Variants in SATL1 observed in about 807,000 individuals in gnomAD.
SATL1 encodes the protein spermidine/spermine N(1)-acetyltransferase-like protein 1.
A neutral mutation model predicts 51.8 loss-of-function variants in SATL1; 47 were observed. The ratio of observed to expected loss-of-function variants is 0.91; its 90% CI spans 0.72 to 1.16. SATL1 has a LOEUF of 1.16. SATL1 is among the 50% of genes most tolerant of loss of function. The pLI is 0.00. For synonymous variants in SATL1, 176 were observed against 182.4 expected, an observed-to-expected ratio of 0.97 and a Z score of 0.28; for missense variants, 520 against 526.4, an observed-to-expected ratio of 0.99 and a Z score of 0.12.
At chrX:85,186,638 C>T (rs1385773532) in intron 2 of SATL1, among the ~76,000 whole-genome samples, 2 of 111,824 alleles carry the variant, frequency 1.8e-5, no homozygotes, top group Non-Finnish European at 3.8e-5. Context: ...GGAAGTCCCA[C>T]AGTCACTGTG....
intron 2 of SATL1, among the ~76,000 whole-genome samples, chrX:85,194,927 A>G (rs1927522083): frequency 9.1e-6 from 1 of 109,857 alleles, no homozygotes; most frequent in African/African-American, 3.3e-5. Flanking sequence ...AATGTAGTTG[A>G]TGAGTTGCTG....
intron 1 of SATL1, among the ~76,000 whole-genome samples, chrX:85,235,777 A>AACT (rs1928469791): frequency 9.0e-6 from 1 of 111,461 alleles, no homozygotes; most frequent in African/African-American, 3.2e-5. Context: ...CATCTTAAAG[A>AACT]ACTACTAAAG....
At chrX:85,192,850 T>A (rs946464445) in intron 2 of SATL1, among the ~76,000 whole-genome samples, 20 of 111,890 alleles carry the variant, frequency 1.8e-4, no homozygotes, top group African/African-American at 6.5e-4. Flanking sequence ...TTTGACTACT[T>A]AGAGATGACA....
At chrX:85,144,133 A>G (rs1248491815) in intron 2 of SATL1, among the ~76,000 whole-genome samples, 1 of 111,593 alleles carries the variant, frequency 9.0e-6, no homozygotes, top group African/African-American at 3.3e-5. Context: ...TCTGGTGGGC[A>G]CTTTTGGAAT....
intron 2 of SATL1, among the ~76,000 whole-genome samples, chrX:85,212,267 A>G (rs1927943942): frequency 8.9e-6 from 1 of 112,131 alleles, no homozygotes; most frequent in South Asian, 3.7e-4. Context: ...GAATATCTAC[A>G]TAATTGTGAT....
intron 2 of SATL1, among the ~76,000 whole-genome samples, chrX:85,220,135 T>G (rs1928141065): frequency 9.1e-6 from 1 of 110,216 alleles, no homozygotes; most frequent in Non-Finnish European, 1.9e-5. Context: ...TCAAACTCAG[T>G]GCTGTCCTGT....
At chrX:85,187,435 A>G (rs1927337275) in intron 2 of SATL1, among the ~76,000 whole-genome samples, 1 of 111,489 alleles carries the variant, frequency 9.0e-6, no homozygotes, top group Admixed American at 9.6e-5. Flanking sequence ...TCAGTTTTTC[A>G]CCATTCTGAG....
intron 2 of SATL1, among the ~76,000 whole-genome samples, chrX:85,187,572 T>G (rs1927340348): frequency 8.9e-6 from 1 of 112,201 alleles, no homozygotes; most frequent in South Asian, 3.6e-4. Flanking sequence ...GCTATTGAGA[T>G]GATCGTATGG....
intron 7 of SATL1, chrX:85,092,924 C>T: frequency 6.1e-6 from 2 of 328,760 alleles, no homozygotes; most frequent in Non-Finnish European, 1.1e-5. Flanking sequence ...TTTCTAATCT[C>T]CCTCCTTCTT....
intron 1 of SATL1, among the ~76,000 whole-genome samples, chrX:85,230,231 C>T (rs1928353219): frequency 9.0e-6 from 1 of 111,116 alleles, no homozygotes; most frequent in African/African-American, 3.3e-5. Context: ...ACATATAGAC[C>T]AATGGAACAG....
At chrX:85,097,474 A>T (rs938360116) in intron 4 of SATL1, among the ~76,000 whole-genome samples, 14 of 111,996 alleles carry the variant, frequency 1.3e-4, no homozygotes, top group African/African-American at 4.2e-4. Flanking sequence ...TGTAGCTGGG[A>T]CTACAGGCAC....
At position 85,108,627 on chromosome X, in the gene SATL1, T is replaced by A; in HGVS notation, c.342A>T (p.Pro114=). Residue 114 remains proline (P), a synonymous_variant, in exon 3 of 8, where the codon CCA becomes CCT. Coordinates refer to ENST00000644105, the MANE Select transcript of SATL1 (RefSeq NM_001367857.2). ...GTGATTGGCTGGGGCCTGATTGGCT[T>A]GGGCCTGGTTGCGATGGGTCTGGTT... ...ISQPDPSQPG[P]SQSGPSQSRM... The A allele has an allele frequency of 4.2e-6, 5 of 1,202,039 alleles. No homozygotes were observed. Among genetic ancestry groups the A allele is most frequent in the Non-Finnish European group, 4.5e-6 (4 of 890,436 alleles).
intron 2 of SATL1, among the ~76,000 whole-genome samples, chrX:85,170,064 G>A (rs1305565169): frequency 9.0e-6 from 1 of 111,139 alleles, no homozygotes; most frequent in Non-Finnish European, 1.9e-5. Flanking sequence ...TTATGAGTGG[G>A]AGCTAAATGA....
intron 2 of SATL1, among the ~76,000 whole-genome samples, chrX:85,132,284 A>G (rs896825913): frequency 1.8e-5 from 2 of 111,698 alleles, no homozygotes; most frequent in Non-Finnish European, 3.8e-5. Context: ...TTTCAGGTAC[A>G]CCAATCAAAT....
intron 2 of SATL1, among the ~76,000 whole-genome samples, chrX:85,173,043 A>C (rs1332220467): frequency 9.0e-6 from 1 of 111,642 alleles, no homozygotes; most frequent in Non-Finnish European, 1.9e-5. Flanking sequence ...TGTTTTTATA[A>C]ACAAATATCC....
chrX:85,161,123 T>C (rs1360071753), intron 2 of SATL1, among the ~76,000 whole-genome samples: 1 of 111,639 alleles, frequency 9.0e-6, no homozygotes, highest in African/African-American at 3.3e-5. Context: ...CTGAGGAAAT[T>C]TGTCACCACC....
intron 2 of SATL1, among the ~76,000 whole-genome samples, chrX:85,213,120 T>C (rs935460106): frequency 8.9e-6 from 1 of 111,820 alleles, no homozygotes; most frequent in Admixed American, 9.5e-5. Context: ...AATGTATATT[T>C]AAATTTGAAT....
intron 4 of SATL1, among the ~76,000 whole-genome samples, chrX:85,102,732 CAT>C (rs1468945240): frequency 9.0e-6 from 1 of 111,592 alleles, no homozygotes; most frequent in African/African-American, 3.3e-5. Context: ...ATTATCTCAA[CAT>C]AGTACAGATT....
intron 2 of SATL1, among the ~76,000 whole-genome samples, chrX:85,109,632 G>A (rs1925211614): frequency 9.0e-6 from 1 of 110,829 alleles, no homozygotes; most frequent in South Asian, 3.8e-4. Flanking sequence ...TCCTATTTCC[G>A]TCCTCATTTT....
Sources: allele counts gnomAD v4.1 joint callset (sites outside exome capture counted in the v4.1 genomes callset), GRCh38; gene constraint gnomAD v4.1.1; transcripts MANE v1.5; gene names NCBI Gene and HGNC (gene_info 2026-07-23, HGNC 2026-07-21).